The following SMIM14 variants were observed in gnomAD, a reference collection of about 807,000 sequenced individuals.
SMIM14 encodes the protein small integral membrane protein 14.
A neutral mutation model predicts 12.6 loss-of-function variants in SMIM14; 5 were observed. The observed-to-expected ratio is 0.40, with a 90% confidence interval of 0.21 to 0.83. The LOEUF (loss-of-function observed/expected upper bound fraction) is 0.83. Ranked by LOEUF, SMIM14 falls within the 40% of genes least tolerant of loss-of-function variation. The pLI is 0.37. For synonymous variants in SMIM14, 30 were observed against 40.1 expected, an observed-to-expected ratio of 0.75 and a Z score of 0.95; for missense variants, 86 against 119.1, an observed-to-expected ratio of 0.72 and a Z score of 1.29.
At chr4:39,630,887 GAAGGA>G (rs1468540924) in intron 1 of SMIM14, among the ~76,000 whole-genome samples, 1 of 149,256 alleles carries the variant, frequency 6.7e-6, no homozygotes, top group Non-Finnish European at 1.5e-5. Context: ...AAAAAAGAAA[GAAGGA>G]AAGAAAGAAA....
chr4:39,590,559 C>G (rs62307811), intron 2 of SMIM14, among the ~76,000 whole-genome samples: 37,009 of 151,378 alleles, frequency 0.24, 5,718 homozygotes, highest in Middle Eastern at 0.38. Context: ...CTCAGCACTT[C>G]GGGAGGCCAA....
At chr4:39,629,684 C>T (rs1715834203) in intron 1 of SMIM14, among the ~76,000 whole-genome samples, 1 of 152,028 alleles carries the variant, frequency 6.6e-6, no homozygotes, top group Non-Finnish European at 1.5e-5. Context: ...AGTGCAGTGG[C>T]GTGATCACAG....
intron 3 of SMIM14, among the ~76,000 whole-genome samples, chr4:39,564,812 A>G (rs1327512315): frequency 1.3e-5 from 2 of 152,222 alleles, no homozygotes; most frequent in African/African-American, 4.8e-5. Flanking sequence ...TTCAGGCACA[A>G]GGAACAGCGA....
chr4:39,555,513 G>T (rs375021600), intron 4 of SMIM14, among the ~76,000 whole-genome samples: 1 of 152,160 alleles, frequency 6.6e-6, no homozygotes, highest in South Asian at 2.1e-4. Flanking sequence ...GATTGCAGGC[G>T]TGAGCCACAG....
intron 1 of SMIM14, among the ~76,000 whole-genome samples, chr4:39,613,315 TC>T (rs1231460750): frequency 1.3e-5 from 2 of 152,226 alleles, no homozygotes; most frequent in Non-Finnish European, 2.9e-5. Context: ...TTAATTAGCC[TC>T]CAGTAAAATG....
At chr4:39,557,247 G>T (rs1712064744) in intron 3 of SMIM14, among the ~76,000 whole-genome samples, 1 of 151,918 alleles carries the variant, frequency 6.6e-6, no homozygotes, top group Admixed American at 6.6e-5. Flanking sequence ...CCTGACCTCA[G>T]GTGATCCACC....
chr4:39,616,056 T>C (rs1715210924), intron 1 of SMIM14, among the ~76,000 whole-genome samples: 1 of 152,190 alleles, frequency 6.6e-6, no homozygotes, highest in African/African-American at 2.4e-5. Context: ...TATAGTAGAT[T>C]TGGCTTATTC....
At position 39,549,774 on chromosome 4, in the gene SMIM14, T is replaced by A. The variant is rs996245329; in HGVS notation, c.*2352A>T. 2.6e-5 allele frequency: 4 copies of A among 152,244 alleles called. No individual in the cohort carries two copies. The highest frequency in any genetic ancestry group is 1.5e-5 in the Non-Finnish European group (1 of 68,042). 9.4% of individuals were successfully genotyped at this position (152,244 alleles called of 1,614,324 possible). On this transcript the variant is annotated 3_prime_UTR_variant, in exon 5 of 5. Coordinates refer to ENST00000295958, the MANE Select transcript of SMIM14 (RefSeq NM_174921.3). ...TAAGCCATTCTGGCCCTTTCTGCTC[T>A]ACTTTACCAGCTATAGAGTTAGGAA...
intron 3 of SMIM14, among the ~76,000 whole-genome samples, chr4:39,557,754 T>G (rs1560282075): frequency 6.6e-6 from 1 of 152,170 alleles, no homozygotes; most frequent in Non-Finnish European, 1.5e-5. Flanking sequence ...TGAATCCAAG[T>G]TAAGACCACA....
At chr4:39,592,720 T>C (rs1714166741) in intron 2 of SMIM14, 1 of 152,040 alleles carries the variant, frequency 6.6e-6, no homozygotes, top group East Asian at 1.9e-4. Context: ...ATAAAGGGGA[T>C]ATCACCACCA....
intron 4 of SMIM14, 73 bp downstream of exon 4, chr4:39,556,355 A>T (rs1341527939): frequency 6.9e-7 from 1 of 1,459,154 alleles, no homozygotes; most frequent in East Asian, 2.3e-5. Flanking sequence ...TTTTAGTCAA[A>T]ACCAAGTCCT....
chr4:39,578,890 G>C (rs1357042494), intron 2 of SMIM14, among the ~76,000 whole-genome samples: 1 of 151,778 alleles, frequency 6.6e-6, no homozygotes, highest in Non-Finnish European at 1.5e-5. Flanking sequence ...CAGCTACTCG[G>C]GAGGCTGAGG....
chr4:39,584,793 C>CA (rs34970724), intron 2 of SMIM14, among the ~76,000 whole-genome samples: 1,974 of 75,908 alleles, frequency 0.026, 54 homozygotes, highest in South Asian at 0.028. Flanking sequence ...AGGACCTTGT[C>CA]AAAAAAAAAA....
At chr4:39,609,619 A>T (rs183309176) in intron 1 of SMIM14, among the ~76,000 whole-genome samples, 100 of 152,338 alleles carry the variant, frequency 6.6e-4, no homozygotes, top group Admixed American at 3.5e-3. Context: ...AAAGTGGTTT[A>T]AAATGACACA....
intron 4 of SMIM14, among the ~76,000 whole-genome samples, chr4:39,554,829 A>G (rs1375876450): frequency 1.4e-5 from 2 of 140,876 alleles, no homozygotes; most frequent in African/African-American, 5.5e-5. Context: ...AAATTCATGG[A>G]ATTTTTTTTT....
At chr4:39,629,832 G>A (rs940025856) in intron 1 of SMIM14, among the ~76,000 whole-genome samples, 5 of 151,912 alleles carry the variant, frequency 3.3e-5, no homozygotes, top group African/African-American at 1.2e-4. Flanking sequence ...TCGATGTGTT[G>A]CCCAGGTAGG....
chr4:39,606,221 C>T (rs1444546333), intron 1 of SMIM14, among the ~76,000 whole-genome samples: 2 of 151,918 alleles, frequency 1.3e-5, no homozygotes, highest in East Asian at 3.9e-4. Flanking sequence ...TGGCACAAAC[C>T]TGTGGTCCCA....
At chr4:39,633,111 T>C (rs1715972304) in intron 1 of SMIM14, among the ~76,000 whole-genome samples, 1 of 151,758 alleles carries the variant, frequency 6.6e-6, no homozygotes, top group South Asian at 2.1e-4. Flanking sequence ...CTGGCCAACA[T>C]GGTGAAACTC....
chr4:39,600,797 G>C (rs576105355), intron 2 of SMIM14, among the ~76,000 whole-genome samples: 17 of 152,252 alleles, frequency 1.1e-4, no homozygotes, highest in African/African-American at 4.1e-4. Context: ...CTTGAACCCG[G>C]GAGGCGGACG....
Sources: allele counts gnomAD v4.1 joint callset (sites outside exome capture counted in the v4.1 genomes callset), GRCh38; gene constraint gnomAD v4.1.1; transcripts MANE v1.5; gene names NCBI Gene and HGNC (gene_info 2026-07-23, HGNC 2026-07-21).